Variants in WWOX observed in about 807,000 individuals in gnomAD.
WWOX encodes WW domain-containing oxidoreductase.
Under a neutral mutation model 46.2 loss-of-function variants are expected in WWOX, and 69 were observed. The observed-to-expected ratio is 1.49, with a 90% CI of 1.23 to 1.82. WWOX has a LOEUF of 1.82. Ranked by LOEUF, WWOX falls within the 40% of genes most tolerant of loss-of-function variation. The pLI, the probability that WWOX is intolerant of heterozygous loss-of-function variation, is 0.00. For synonymous variants in WWOX, 359 were observed against 202.6 expected (o/e 1.77, Z -6.56); for missense variants, 919 against 542.6 (o/e 1.69, Z -6.89).
chr16:79,135,888 G>C (rs1484874438), intron 8 of WWOX, among the ~76,000 whole-genome samples: 1 of 151,802 alleles, frequency 6.6e-6, no homozygotes, highest in Non-Finnish European at 1.5e-5. Flanking sequence ...CATATTCTCG[G>C]TCCAGCTTTC....
At chr16:78,599,129 C>A (rs920138761) in intron 8 of WWOX, among the ~76,000 whole-genome samples, 1 of 152,140 alleles carries the variant, frequency 6.6e-6, no homozygotes, top group African/African-American at 2.4e-5. Flanking sequence ...CAGCTAAACT[C>A]CAGGGGTTGC....
intron 8 of WWOX, among the ~76,000 whole-genome samples, chr16:78,712,385 C>T (rs1225894418): frequency 1.3e-5 from 2 of 151,848 alleles, no homozygotes; most frequent in Non-Finnish European, 2.9e-5. Flanking sequence ...GCCTGTAGGC[C>T]TAGTTACTTG....
chr16:78,165,217 C>T (rs1049917076), intron 5 of WWOX, among the ~76,000 whole-genome samples: 2 of 152,130 alleles, frequency 1.3e-5, no homozygotes, highest in African/African-American at 4.8e-5. Flanking sequence ...TTTGAAACAT[C>T]GCTGGATTTC....
intron 8 of WWOX, among the ~76,000 whole-genome samples, chr16:79,062,200 C>A (rs776668906): frequency 4.6e-5 from 7 of 152,076 alleles, no homozygotes; most frequent in Non-Finnish European, 1.0e-4. Context: ...AGAGGGAAAG[C>A]GAGGAAGAAG....
At chr16:78,843,788 T>C (rs889320214) in intron 8 of WWOX, among the ~76,000 whole-genome samples, 3 of 152,232 alleles carry the variant, frequency 2.0e-5, no homozygotes, top group African/African-American at 4.8e-5. Flanking sequence ...CAATTTATTA[T>C]GTTTTTTAAA....
chr16:79,061,716 T>G (rs546859160), intron 8 of WWOX, among the ~76,000 whole-genome samples: 8 of 152,324 alleles, frequency 5.3e-5, no homozygotes, highest in African/African-American at 1.4e-4. Flanking sequence ...CATGTCCTAA[T>G]TTTGCTCAGG....
intron 8 of WWOX, among the ~76,000 whole-genome samples, chr16:78,840,065 A>G (rs972663902): frequency 8.5e-5 from 13 of 152,224 alleles, no homozygotes; most frequent in Non-Finnish European, 1.8e-4. Context: ...AGATCAAATG[A>G]GTTAGCACAT....
rs775584864 is a variant in WWOX at position 78,432,691 on chromosome 16, A to C, written c.995A>C (p.His332Pro). ...HPGNMMYSNI[H>P]RSWWVYTLLF... ...GGAAATATGATGTACTCCAACATTC[A>C]TCGCAGCTGGTGGGTGTACACACTG... The change falls in exon 8 of 9, where the codon CAT (histidine) becomes CCT (proline). Residue 332 changes from histidine (H) to proline (P), a missense_variant. His to Pro is a moderately conservative substitution (Grantham distance 77). Transcript: ENST00000566780. The C allele has an allele frequency of 8.7e-6, 14 of 1,614,072 alleles. No individual in the cohort carries two copies. In the Admixed American group the frequency reaches 2.2e-4, roughly 25 times the overall value.
Position 78,426,637 on chromosome 16 carries a change from A to G in WWOX, c.791+1582A>G, listed in dbSNP as rs536238794. Among the ~76,000 whole-genome samples the G allele has an allele frequency of 2.4e-4, 36 of 152,152 alleles. 1 individual carries two copies. Among genetic ancestry groups the G allele is most frequent in the Admixed American group, 7.2e-4 (11 of 15,282 alleles). On this transcript the variant is annotated intron_variant, in intron 7 of 8. Coordinates refer to ENST00000566780, the MANE Select transcript of WWOX (RefSeq NM_016373.4). ...GCTGGCACTGGTTTTATGCTTTCCA[A>G]TTATTCTTTGCACATCGTTATTTAT...
intron 8 of WWOX, among the ~76,000 whole-genome samples, chr16:79,161,202 A>G (rs936879481): frequency 6.6e-6 from 1 of 152,202 alleles, no homozygotes; most frequent in African/African-American, 2.4e-5. Context: ...TGGTAAAAAT[A>G]TGACATGACA....
At chr16:78,983,875 T>TTTTC (rs1367861415) in intron 8 of WWOX, among the ~76,000 whole-genome samples, 69 of 132,850 alleles carry the variant, frequency 5.2e-4, no homozygotes, top group African/African-American at 1.8e-3. Flanking sequence ...CTATTCTTTT[T>TTTTC]TTTTTTTTTT....
At chr16:78,365,623 C>A (rs1040558018) in intron 5 of WWOX, among the ~76,000 whole-genome samples, 1 of 152,210 alleles carries the variant, frequency 6.6e-6, no homozygotes, top group Admixed American at 6.5e-5. Context: ...TGAAGTGGCT[C>A]TATAGACTGC....
Position 78,868,476 on chromosome 16 carries a change from T to C in WWOX, c.1057-343132T>C, listed in dbSNP as rs563711274. 5.8e-5 allele frequency among the ~76,000 whole-genome samples: 5 copies of C among 86,274 alleles called. No homozygotes were observed. In the East Asian group the frequency reaches 1.3e-3, roughly 22 times the overall value. 56.6% of individuals were successfully genotyped at this position (86,274 alleles called of 152,430 possible). On this transcript the variant is annotated intron_variant, in intron 8 of 8. Coordinates refer to ENST00000566780, the MANE Select transcript of WWOX (RefSeq NM_016373.4). ...TGATGGCTGCACAACTGGATAAATA[T>C]ACTAACATCAAACTGTATATTTACA...
chr16:79,190,167 G>T (rs1286231755), intron 8 of WWOX, among the ~76,000 whole-genome samples: 1 of 152,012 alleles, frequency 6.6e-6, no homozygotes, highest in Non-Finnish European at 1.5e-5. Context: ...TGGGATTTTA[G>T]GTGTGCAACA....
intron 5 of WWOX, among the ~76,000 whole-genome samples, chr16:78,233,148 T>C (rs2037323521): frequency 6.6e-6 from 1 of 152,242 alleles, no homozygotes; most frequent in Non-Finnish European, 1.5e-5. Flanking sequence ...AGGTTCAAAC[T>C]CAGACATTGG....
chr16:78,541,793 C>G (rs780928129), intron 8 of WWOX, among the ~76,000 whole-genome samples: 64 of 152,178 alleles, frequency 4.2e-4, no homozygotes, highest in Non-Finnish European at 7.1e-4. Flanking sequence ...GACCTAGGAA[C>G]TCAGCAAATG....
chr16:78,322,834 G>T (rs923817435), intron 5 of WWOX, among the ~76,000 whole-genome samples: 3 of 152,146 alleles, frequency 2.0e-5, no homozygotes, highest in Admixed American at 6.6e-5. Flanking sequence ...AAATGAGTAT[G>T]GGAGTGTTTC....
chr16:78,502,099 C>G (rs1397837009), intron 8 of WWOX, among the ~76,000 whole-genome samples: 2 of 152,172 alleles, frequency 1.3e-5, no homozygotes, highest in East Asian at 1.9e-4. Flanking sequence ...TACTTGTCTT[C>G]CTTCCCAGGC....
chr16:78,718,941 T>C (rs1306205217), intron 8 of WWOX, among the ~76,000 whole-genome samples: 5 of 151,912 alleles, frequency 3.3e-5, no homozygotes, highest in Admixed American at 3.3e-4. Context: ...GGGGCTCTCT[T>C]GAAATAATCT....
Sources: gnomAD v4.1 joint callset for allele counts (sites outside exome capture counted in the v4.1 genomes callset) on GRCh38, gnomAD v4.1.1 for gene constraint, MANE v1.5 for transcripts, NCBI Gene and HGNC (gene_info 2026-07-23, HGNC 2026-07-21) for gene names.